Variants in MIA2 observed in about 807,000 individuals in gnomAD.
The protein encoded by MIA2 is MIA SH3 domain ER export factor 2.
In MIA2, 127 loss-of-function variants were observed where a neutral mutation model predicts 167.8. The ratio of observed to expected loss-of-function variants is 0.76; its 90% confidence interval spans 0.66 to 0.88. The LOEUF (loss-of-function observed/expected upper bound fraction) is 0.88. Ranked by LOEUF, MIA2 falls within the 40% of genes least tolerant of loss-of-function variation. MIA2 has a pLI of 0.00. For synonymous variants in MIA2, 552 were observed against 541.9 expected (o/e 1.02, Z -0.26); for missense variants, 1,690 against 1,624.7 (o/e 1.04, Z -0.69).
At position 39,304,308 on chromosome 14, in the gene MIA2, A is replaced by G. The variant is rs535396374; in HGVS notation, c.2805A>G (p.Lys935=). The G allele has an allele frequency of 3.8e-5, 57 of 1,515,832 alleles. 2 individuals carry two copies. The South Asian group carries it at 6.4e-4, about 17-fold the overall frequency. 93.9% of individuals were successfully genotyped at this position (1,515,832 alleles called of 1,614,324 possible). A position where few individuals can be genotyped will look rare whatever the true frequency, so the allele number is the denominator to read the frequency against. ...CTTTAAAGTTAAATGCTTCTTTAAA[A>G]ACCTTAGAAGGAGAAAGAAACCAAA... ...IHAAKLNASL[K]TLEGERNQIY... The change falls in exon 17 of 29, where the codon AAA becomes AAG. Residue 935 remains lysine (K), a synonymous_variant. Transcript: ENST00000640607.
At chr14:39,310,321 C>T (rs2064020573) in intron 18 of MIA2, among the ~76,000 whole-genome samples, 1 of 152,098 alleles carries the variant, frequency 6.6e-6, no homozygotes, top group African/African-American at 2.4e-5. Flanking sequence ...GTTTAAAATG[C>T]CCCCTAAGCA....
At chr14:39,352,089 A>G (rs927845750), downstream of MIA2, among the ~76,000 whole-genome samples, 2 of 151,904 alleles carry the variant, frequency 1.3e-5, no homozygotes, top group East Asian at 3.9e-4. Context: ...CCAGGTATAC[A>G]ATTTCCCCTT....
intron 25 of MIA2, among the ~76,000 whole-genome samples, chr14:39,337,414 A>G (rs1034288194): frequency 4.6e-5 from 7 of 152,214 alleles, no homozygotes; most frequent in Non-Finnish European, 8.8e-5. Context: ...GAAGAACTGA[A>G]CAGTGCCCTC....
chr14:39,323,856 A>G (rs951124598), intron 24 of MIA2, among the ~76,000 whole-genome samples: 11 of 152,210 alleles, frequency 7.2e-5, no homozygotes, highest in Non-Finnish European at 5.9e-5. Flanking sequence ...TAATTTAAAG[A>G]TACAGTGTGT....
chr14:39,298,530 G>GTTTTGTTTTTTTTTT (rs2061832220), intron 13 of MIA2, among the ~76,000 whole-genome samples: 12 of 26,178 alleles, frequency 4.6e-4, no homozygotes, highest in South Asian at 2.1e-3. Flanking sequence ...GTAGAACAGA[G>GTTTTGTTTTTTTTTT]TTTTTTTTTT....
intron 23 of MIA2, chr14:39,386,484 C>T: frequency 6.7e-7 from 1 of 1,485,252 alleles, no homozygotes; most frequent in South Asian, 1.2e-5. Flanking sequence ...ACTGCCTGTA[C>T]TTCAGGAGAC....
chr14:39,258,753 C>A (rs2054933642), intron 6 of MIA2, among the ~76,000 whole-genome samples: 1 of 152,092 alleles, frequency 6.6e-6, no homozygotes, highest in Non-Finnish European at 1.5e-5. Context: ...GGCTGGTGAC[C>A]TTTGGATGGG....
rs755628585 is a variant in MIA2 at position 39,321,010 on chromosome 14, G to C, written c.3450G>C (p.Glu1150Asp). ...RAFLSPPTLL[E>D]GPLRLSPLLP... is the part of the protein sequence containing the mutation. The stretch of plus-strand genomic sequence containing the variant: ...TTCTCTCTCCTCCAACTTTGTTGGA[G>C]GGTCCACTCAGACTCTCACCTTTGC... The change falls in exon 24 of 29, where the codon GAG becomes GAC. Residue 1150 changes from glutamate (E) to aspartate (D), a missense_variant. Glu to Asp is a conservative substitution (Grantham distance 45). Transcript: ENST00000640607. The C allele has an allele frequency of 3.1e-6, 5 of 1,613,622 alleles. No individual in the cohort carries two copies. Among genetic ancestry groups the C allele is most frequent in the Non-Finnish European group, 4.2e-6 (5 of 1,179,764 alleles).
intron 16 of MIA2, 87 bp from the exon 17 acceptor site, chr14:39,304,204 G>A (rs1350752071): frequency 2.7e-5 from 14 of 520,496 alleles, no homozygotes; most frequent in South Asian, 2.5e-4. Flanking sequence ...AAAGTGTTAG[G>A]GGGGTCATAC....
intron 9 of MIA2, among the ~76,000 whole-genome samples, chr14:39,289,228 T>G (rs199714759): frequency 1.6e-3 from 2 of 1,228 alleles, no homozygotes; most frequent in Non-Finnish European, 3.7e-3. Context: ...GCAGGTTTTC[T>G]TTTTTTTTTT....
intron 3 of MIA2, among the ~76,000 whole-genome samples, chr14:39,244,293 G>T (rs904381210): frequency 3.9e-5 from 6 of 152,194 alleles, no homozygotes; most frequent in Non-Finnish European, 7.4e-5. Context: ...AGCCTCAGGG[G>T]AAAATGAGAC....
intron 24 of MIA2, among the ~76,000 whole-genome samples, chr14:39,324,836 A>G (rs544739374): frequency 1.3e-5 from 2 of 152,102 alleles, no homozygotes; most frequent in African/African-American, 4.8e-5. Context: ...CGAACTCCTC[A>G]CCTCAGGTGA....
At chr14:39,358,374 T>C (rs1390015566) in intron 23 of MIA2, among the ~76,000 whole-genome samples, 1 of 152,246 alleles carries the variant, frequency 6.6e-6, no homozygotes, top group Non-Finnish European at 1.5e-5. Flanking sequence ...ATTCGTCACG[T>C]AGTTCTTGTG....
intron 17 of MIA2, among the ~76,000 whole-genome samples, chr14:39,307,132 A>G (rs1358135977): frequency 3.3e-5 from 5 of 152,076 alleles, no homozygotes; most frequent in Non-Finnish European, 7.4e-5. Context: ...TCAAAATTTT[A>G]GCTTAAAAGG....
chr14:39,235,051 T>C (rs1343685082), intron 1 of MIA2, among the ~76,000 whole-genome samples: 2 of 151,692 alleles, frequency 1.3e-5, no homozygotes, highest in Non-Finnish European at 2.9e-5. Flanking sequence ...TTTTTTTTTT[T>C]CTGAGATGGA....
intron 23 of MIA2, among the ~76,000 whole-genome samples, chr14:39,369,691 G>A (rs1168878892): frequency 1.3e-5 from 2 of 152,014 alleles, no homozygotes; most frequent in East Asian, 3.8e-4. Context: ...TTTTCAGTGG[G>A]GTCTCAGGAG....
rs545134369 is a variant in MIA2, at chr14:39,368,225, G to A, written c.2249-18660G>A. Among the ~76,000 whole-genome samples, 7 of 152,296 alleles carry A rather than the reference G, an allele frequency of 4.6e-5. No individual in the cohort carries two copies. The South Asian group carries it at 8.3e-4, about 18-fold the overall frequency. Reference sequence around the variant, plus strand: ...CGAGAGAGCAAAATTAGATTGGAGAGGACCTTCAGACAGTGATTCAGGTCT... The same window carrying A: ...CGAGAGAGCAAAATTAGATTGGAGAAGACCTTCAGACAGTGATTCAGGTCT... On this transcript the variant is annotated intron_variant, in intron 23 of 23. Transcript: ENST00000341502.
chr14:39,357,908 C>G (rs1284715255), intron 23 of MIA2, among the ~76,000 whole-genome samples: 2 of 152,188 alleles, frequency 1.3e-5, no homozygotes, highest in Non-Finnish European at 2.9e-5. Flanking sequence ...TGTAAAGATT[C>G]TGCCGAGAGA....
chr14:39,234,182 C>A lies in MIA2; in HGVS notation c.68C>A (p.Thr23Lys), dbSNP rs905438455. ...TCTCTGACAAAGTGTCTGGAGAGTA[C>A]AAAACTGCTGGCAGACCTTAAAAAA... is the stretch of plus-strand genomic sequence containing the variant. ...AISLTKCLES[T>K]KLLADLKKCG... is the part of the protein sequence containing the mutation. Residue 23 changes from threonine to lysine, a missense_variant, in exon 1 of 29, where the codon ACA becomes AAA. Transcript: ENST00000640607. The A allele has an allele frequency of 3.7e-6, 6 of 1,609,962 alleles. No individual in the cohort carries two copies. The highest frequency in any genetic ancestry group is 5.1e-6 in the Non-Finnish European group (6 of 1,178,498).
Sources: gnomAD v4.1 joint callset for allele counts (sites outside exome capture counted in the v4.1 genomes callset) on GRCh38, gnomAD v4.1.1 for gene constraint, MANE v1.5 for transcripts, NCBI Gene and HGNC (gene_info 2026-07-23, HGNC 2026-07-21) for gene names.